The following WWOX variants were observed in gnomAD, a reference collection of about 807,000 sequenced individuals.
WWOX encodes WW domain containing oxidoreductase.
In WWOX, 69 loss-of-function variants were observed where a neutral mutation model predicts 46.2. The ratio of observed to expected loss-of-function variants is 1.49; its 90% CI spans 1.23 to 1.82. The LOEUF (loss-of-function observed/expected upper bound fraction) is 1.82, where lower values mean the gene tolerates loss of function less well. WWOX is among the 40% of genes most tolerant of loss of function. The pLI, the probability that WWOX is intolerant of heterozygous loss-of-function variation, is 0.00. For synonymous variants in WWOX, 359 were observed against 202.6 expected, an observed-to-expected ratio of 1.77 and a Z score of -6.56; for missense variants, 919 against 542.6, an observed-to-expected ratio of 1.69 and a Z score of -6.89.
At chr16:78,201,415 C>G (rs759409921) in intron 5 of WWOX, among the ~76,000 whole-genome samples, 3 of 152,134 alleles carry the variant, frequency 2.0e-5, no homozygotes, top group Non-Finnish European at 4.4e-5. Context: ...AGACTGTATT[C>G]TAAGTCTAAA....
chr16:78,734,322 G>T (rs531587418), intron 8 of WWOX, among the ~76,000 whole-genome samples: 1 of 152,102 alleles, frequency 6.6e-6, no homozygotes, highest in Admixed American at 6.5e-5. Flanking sequence ...GGTAGCCTCA[G>T]ATATAAGCTT....
intron 8 of WWOX, among the ~76,000 whole-genome samples, chr16:78,959,015 A>G (rs77893638): frequency 0.012 from 1,802 of 152,304 alleles, 30 homozygotes; most frequent in African/African-American, 0.04. Context: ...AGGGAGTTCT[A>G]TAACAGCAAG....
At chr16:78,691,932 A>G (rs528971030) in intron 8 of WWOX, among the ~76,000 whole-genome samples, 1 of 152,308 alleles carries the variant, frequency 6.6e-6, no homozygotes, top group East Asian at 1.9e-4. Flanking sequence ...TGCTATTCTC[A>G]TAATAGTGAA....
intron 4 of WWOX, among the ~76,000 whole-genome samples, chr16:78,158,892 G>A (rs147088839): frequency 5.3e-5 from 8 of 151,762 alleles, no homozygotes; most frequent in Admixed American, 2.0e-4. Context: ...TCCATCTGGC[G>A]TACCTGAAAC....
Position 78,108,487 on chromosome 16 carries a change from G to A in WWOX, c.172G>A (p.Asp58Asn), listed in dbSNP as rs1131691285. Reference sequence around the variant, plus strand: ...TGGAAAAAGAAAACGAGTGGCAGGAGGTTTGTATGTTGTTGTCTAAGGATC... The same window carrying A: ...TGGAAAAAGAAAACGAGTGGCAGGAAGTTTGTATGTTGTTGTCTAAGGATC... ...KTGKRKRVAG[D>N]LPYGWEQETD... The change falls in exon 2 of 9, where the codon GAT becomes AAT. Residue 58 changes from aspartate (D) to asparagine (N), a missense_variant and splice_region_variant. Coordinates refer to ENST00000566780, the MANE Select transcript of WWOX (RefSeq NM_016373.4). The A allele has an allele frequency of 4.3e-6, 7 of 1,613,782 alleles. No individual in the cohort carries two copies. The Admixed American group carries it at 6.7e-5, about 15-fold the overall frequency.
chr16:78,825,854 C>G, intron 8 of WWOX: 1 of 635,664 alleles, frequency 1.6e-6, no homozygotes, highest in Non-Finnish European at 2.9e-6. Flanking sequence ...GCCCTGGGAC[C>G]CCGCTGGTAA....
intron 5 of WWOX, among the ~76,000 whole-genome samples, chr16:78,269,630 C>G (rs2079435879): frequency 6.6e-6 from 1 of 152,216 alleles, no homozygotes; most frequent in Non-Finnish European, 1.5e-5. Flanking sequence ...AACTTCAAAC[C>G]TGTTTGCCAG....
In WWOX at chr16:78,099,703, T is replaced by TA; in HGVS notation, c.-76_-75insA. 1 of 1,469,944 alleles carries TA rather than the reference T, an allele frequency of 6.8e-7. No homozygotes were observed. The highest frequency in any genetic ancestry group is 9.0e-7 in the Non-Finnish European group (1 of 1,110,806). The allele number at this position is 1,469,944 out of a possible 1,614,324, so 91.1% of individuals were successfully genotyped here. ...GGCCCCGACGCGCGCGGGTCTCGTTTGGAGCGGGAGTGAGTTCCTGAGCGA... is the reference window on the plus strand; with the variant it reads ...GGCCCCGACGCGCGCGGGTCTCGTTTAGGAGCGGGAGTGAGTTCCTGAGCGA... On this transcript the variant is annotated 5_prime_UTR_variant, in exon 1 of 9. Coordinates refer to ENST00000566780, the MANE Select transcript of WWOX (RefSeq NM_016373.4).
At chr16:78,743,725 C>G (rs557497298) in intron 8 of WWOX, among the ~76,000 whole-genome samples, 1 of 152,254 alleles carries the variant, frequency 6.6e-6, no homozygotes, top group South Asian at 2.1e-4. Context: ...TGTAACTTCG[C>G]TTCACCCTCT....
intron 8 of WWOX, among the ~76,000 whole-genome samples, chr16:78,671,418 G>T (rs2047460734): frequency 6.6e-6 from 1 of 152,148 alleles, no homozygotes; most frequent in African/African-American, 2.4e-5. Context: ...GCATGAGACT[G>T]TGTCTCAAAA....
chr16:78,491,168 T>C (rs1345818438), intron 8 of WWOX, among the ~76,000 whole-genome samples: 1 of 152,170 alleles, frequency 6.6e-6, no homozygotes. Flanking sequence ...AAAATCCAGC[T>C]CTTGGCCTCA....
intron 8 of WWOX, among the ~76,000 whole-genome samples, chr16:78,893,133 G>A (rs1187916125): frequency 1.3e-5 from 2 of 151,940 alleles, no homozygotes; most frequent in Non-Finnish European, 2.9e-5. Context: ...AGAAAAGGAG[G>A]CTCTCCAGGC....
intron 8 of WWOX, among the ~76,000 whole-genome samples, chr16:79,122,888 C>A (rs531347352): frequency 2.0e-5 from 3 of 152,094 alleles, no homozygotes; most frequent in African/African-American, 4.8e-5. Context: ...CTGAGGCTTG[C>A]AATGGCCACC....
chr16:78,689,290 T>C (rs926184641), intron 8 of WWOX, among the ~76,000 whole-genome samples: 1 of 152,238 alleles, frequency 6.6e-6, no homozygotes, highest in Non-Finnish European at 1.5e-5. Flanking sequence ...ACATGCTGTC[T>C]GCACGCCTTG....
At chr16:79,192,274 C>T (rs989926451) in intron 8 of WWOX, among the ~76,000 whole-genome samples, 20 of 152,088 alleles carry the variant, frequency 1.3e-4, no homozygotes, top group Non-Finnish European at 1.9e-4. Context: ...GCAGAAAGTG[C>T]CCCAAACAGC....
chr16:78,221,383 C>A (rs2036883753), intron 5 of WWOX, among the ~76,000 whole-genome samples: 1 of 152,142 alleles, frequency 6.6e-6, no homozygotes, highest in Non-Finnish European at 1.5e-5. Context: ...CATAAAACTT[C>A]CTCTAGCTTT....
At chr16:78,274,891 C>T (rs187930614) in intron 5 of WWOX, among the ~76,000 whole-genome samples, 16 of 152,294 alleles carry the variant, frequency 1.1e-4, no homozygotes, top group Admixed American at 3.3e-4. Flanking sequence ...CTACTGCTTG[C>T]AGGGATTAAA....
chr16:78,548,391 C>T (rs1246067680), intron 8 of WWOX, among the ~76,000 whole-genome samples: 2 of 151,928 alleles, frequency 1.3e-5, no homozygotes, highest in African/African-American at 2.4e-5. Flanking sequence ...TCACGCAGAG[C>T]AGAATCCGAA....
intron 8 of WWOX, among the ~76,000 whole-genome samples, chr16:78,634,857 T>A (rs1334205444): frequency 2.6e-4 from 39 of 151,398 alleles, no homozygotes; most frequent in African/African-American, 8.0e-4. Flanking sequence ...TGTGTGTGTG[T>A]GTGTGTGTGT....
Sources: gnomAD v4.1 joint callset for allele counts (sites outside exome capture counted in the v4.1 genomes callset) on GRCh38, gnomAD v4.1.1 for gene constraint, MANE v1.5 for transcripts, NCBI Gene and HGNC (gene_info 2026-07-23, HGNC 2026-07-21) for gene names.